The following PIGK variants were observed in gnomAD, a reference collection of about 807,000 sequenced individuals.
PIGK encodes the protein GPI-anchor transamidase.
A neutral mutation model predicts 50.6 loss-of-function variants in PIGK; 42 were observed. The observed-to-expected ratio is 0.83, with a 90% CI of 0.65 to 1.07. The LOEUF is 1.07. Among genes scored for constraint, PIGK ranks in the 50% least tolerant of loss-of-function variants. The pLI is 0.00. For synonymous variants in PIGK, 151 were observed against 156.0 expected (o/e 0.97, Z 0.24); for missense variants, 448 against 488.7 (o/e 0.92, Z 0.78).
At chr1:77,162,556 T>G (rs1655152285) in intron 6 of PIGK, among the ~76,000 whole-genome samples, 1 of 152,036 alleles carries the variant, frequency 6.6e-6, no homozygotes, top group Admixed American at 6.6e-5. Context: ...CCATGAAAGG[T>G]TTTTGTTTTT....
rs146208679 is a variant in PIGK, at chr1:77,132,110, C to T, written c.987-9751G>A. Among the ~76,000 whole-genome samples, 1,345 of 152,032 alleles carry T rather than the reference C, an allele frequency of 8.8e-3. 11 individuals are homozygous for T. The highest frequency in any genetic ancestry group is 0.012 in the Non-Finnish European group (836 of 67,856). On this transcript the variant is annotated intron_variant, in intron 9 of 10. Coordinates refer to ENST00000370812, the MANE Select transcript of PIGK (RefSeq NM_005482.3). ...ACTTTCTTTCTAAATCTAAATATTA[C>T]GTTAGCCACCTCCAAAGTGATTTTT...
chr1:77,157,894 T>A (rs1005279092), intron 8 of PIGK, among the ~76,000 whole-genome samples: 2 of 152,188 alleles, frequency 1.3e-5, no homozygotes, highest in African/African-American at 4.8e-5. Flanking sequence ...CTGCACATGC[T>A]CTCTTGACTG....
At chr1:77,210,876 T>A (rs370809852) in intron 1 of PIGK, among the ~76,000 whole-genome samples, 2 of 152,080 alleles carry the variant, frequency 1.3e-5, no homozygotes, top group East Asian at 1.9e-4. Context: ...TGCAAGAGCT[T>A]CTGCTTTAAA....
intron 9 of PIGK, among the ~76,000 whole-genome samples, chr1:77,130,389 T>C (rs1654347139): frequency 6.6e-6 from 1 of 151,858 alleles, no homozygotes; most frequent in Non-Finnish European, 1.5e-5. Context: ...ATTTGTATTT[T>C]GTTTTTACGT....
intron 3 of PIGK, among the ~76,000 whole-genome samples, chr1:77,175,053 G>T (rs1655451805): frequency 6.6e-6 from 1 of 152,204 alleles, no homozygotes; most frequent in South Asian, 2.1e-4. Flanking sequence ...AAGCTTTTTA[G>T]TTCACGTAAC....
At chr1:77,134,868 T>G (rs1181209234) in intron 9 of PIGK, among the ~76,000 whole-genome samples, 1 of 152,190 alleles carries the variant, frequency 6.6e-6, no homozygotes. Flanking sequence ...TTTCATAGGT[T>G]TTTAAATATT....
At chr1:77,159,593 C>T (rs1655088606) in intron 8 of PIGK, among the ~76,000 whole-genome samples, 1 of 152,174 alleles carries the variant, frequency 6.6e-6, no homozygotes, top group African/African-American at 2.4e-5. Context: ...GCAAAGCTGC[C>T]CAAGGACATG....
intron 3 of PIGK, among the ~76,000 whole-genome samples, chr1:77,190,242 CA>C (rs1354329587): frequency 2.7e-5 from 4 of 150,238 alleles, no homozygotes; most frequent in Non-Finnish European, 3.0e-5. Context: ...AAACAAAAAA[CA>C]AAAAAAAATT....
chr1:77,193,295 C>T (rs1655955011), intron 3 of PIGK, among the ~76,000 whole-genome samples: 3 of 132,550 alleles, frequency 2.3e-5, no homozygotes, highest in African/African-American at 1.1e-4. Context: ...TTCTCCTAAG[C>T]TTTGTTCTTT....
chr1:77,203,091 A>G (rs1656207683), intron 3 of PIGK, among the ~76,000 whole-genome samples: 1 of 152,198 alleles, frequency 6.6e-6, no homozygotes, highest in South Asian at 2.1e-4. Context: ...CACTTTATTC[A>G]CTGTGCAAAC....
intron 4 of PIGK, 42 bp downstream of exon 4, chr1:77,169,217 TA>T: frequency 3.0e-6 from 4 of 1,327,066 alleles, no homozygotes; most frequent in Non-Finnish European, 4.1e-6. Flanking sequence ...AGCCTAAAAG[TA>T]ACAATGCCAT....
intron 3 of PIGK, among the ~76,000 whole-genome samples, chr1:77,190,234 A>C (rs865950350): frequency 6.6e-5 from 10 of 151,874 alleles, no homozygotes; most frequent in African/African-American, 2.4e-4. Flanking sequence ...CCAAAAAAAA[A>C]CAAAAAACAA....
Position 77,116,413 on chromosome 1 carries a change from C to T in PIGK, c.1071+5862G>A, listed in dbSNP as rs185820275. On this transcript the variant is annotated intron_variant, in intron 10 of 10. Coordinates refer to ENST00000370812, the MANE Select transcript of PIGK (RefSeq NM_005482.3). ...TGTTAGCCAGGATGGTCTCGATCTC[C>T]TGACCTCGTGATTCGCCCACCTCAG... 2.5e-3 allele frequency among the ~76,000 whole-genome samples: 386 copies of T among 152,102 alleles called. 2 individuals are homozygous for T. Among genetic ancestry groups the T allele is most frequent in the African/African-American group, 8.2e-3 (342 of 41,480 alleles).
At chr1:77,098,711 C>T (rs949098726) in intron 10 of PIGK, among the ~76,000 whole-genome samples, 7 of 151,944 alleles carry the variant, frequency 4.6e-5, no homozygotes, top group African/African-American at 7.3e-5. Flanking sequence ...TTAAAAGGCA[C>T]ATAAATGGAA....
chr1:77,159,176 C>T (rs757817402), intron 8 of PIGK, among the ~76,000 whole-genome samples: 1 of 152,060 alleles, frequency 6.6e-6, no homozygotes, highest in Admixed American at 6.5e-5. Flanking sequence ...TACATCTTGG[C>T]CCATAGCTTC....
At chr1:77,156,087 A>T (rs553955181) in intron 8 of PIGK, among the ~76,000 whole-genome samples, 1 of 152,306 alleles carries the variant, frequency 6.6e-6, no homozygotes, top group African/African-American at 2.4e-5. Flanking sequence ...TAAAAAGGAA[A>T]AAAAAGTAAA....
intron 3 of PIGK, among the ~76,000 whole-genome samples, chr1:77,174,557 T>A (rs901831379): frequency 6.6e-6 from 1 of 152,172 alleles, no homozygotes; most frequent in Non-Finnish European, 1.5e-5. Context: ...GGAAATATAC[T>A]TTTAGGGATA....
At chr1:77,193,435 G>A (rs1465028157) in intron 3 of PIGK, among the ~76,000 whole-genome samples, 1 of 152,022 alleles carries the variant, frequency 6.6e-6, no homozygotes, top group Admixed American at 6.6e-5. Flanking sequence ...CAGTTTTCAG[G>A]GTGTCTAAAA....
chr1:77,173,533 A>T (rs1450364612), intron 3 of PIGK, among the ~76,000 whole-genome samples: 3 of 152,226 alleles, frequency 2.0e-5, no homozygotes, highest in Non-Finnish European at 4.4e-5. Context: ...CTGACAAGCC[A>T]GCAAAAGGGC....
Sources: gnomAD v4.1 joint callset for allele counts (sites outside exome capture counted in the v4.1 genomes callset) on GRCh38, gnomAD v4.1.1 for gene constraint, MANE v1.5 for transcripts, NCBI Gene and HGNC (gene_info 2026-07-23, HGNC 2026-07-21) for gene names.